The following RHOBTB1 variants were observed in gnomAD, a reference collection of about 807,000 sequenced individuals.
RHOBTB1 encodes the protein Rho related BTB domain containing 1, also known as rho-related BTB domain-containing protein 1.
In RHOBTB1, 40 loss-of-function variants were observed where a neutral mutation model predicts 71.6. The ratio of observed to expected loss-of-function variants is 0.56; its 90% CI spans 0.43 to 0.73. RHOBTB1 has a LOEUF of 0.73. Among genes scored for constraint, RHOBTB1 ranks in the 30% least tolerant of loss-of-function variants. The pLI, the probability that RHOBTB1 is intolerant of heterozygous loss-of-function variation, is 0.00. For synonymous variants in RHOBTB1, 319 were observed against 334.9 expected (o/e 0.95, Z 0.52); for missense variants, 797 against 894.0 (o/e 0.89, Z 1.38).
intron 2 of RHOBTB1, among the ~76,000 whole-genome samples, chr10:60,950,112 C>T (rs957729961): frequency 2.0e-5 from 3 of 152,144 alleles, no homozygotes; most frequent in African/African-American, 7.2e-5. Flanking sequence ...GCTCAACATG[C>T]ATAAGAGGAG....
intron 2 of RHOBTB1, among the ~76,000 whole-genome samples, chr10:60,959,501 C>G (rs1194419282): frequency 6.6e-6 from 1 of 152,186 alleles, no homozygotes; most frequent in Non-Finnish European, 1.5e-5. Flanking sequence ...CTACACATCA[C>G]AGGCAGCAGT....
chr10:60,907,891 T>C (rs959143098), intron 4 of RHOBTB1, among the ~76,000 whole-genome samples: 2 of 152,164 alleles, frequency 1.3e-5, no homozygotes, highest in Non-Finnish European at 1.5e-5. Flanking sequence ...GGCAAATTTA[T>C]GGTAGTAAAA....
intron 2 of RHOBTB1, among the ~76,000 whole-genome samples, chr10:60,966,996 G>C (rs551351043): frequency 8.6e-4 from 131 of 152,082 alleles, no homozygotes; most frequent in South Asian, 2.5e-3. Context: ...AATAAACAAG[G>C]CACATCTTTA....
chr10:60,970,538 C>G (rs115424389), intron 2 of RHOBTB1, among the ~76,000 whole-genome samples: 191 of 152,176 alleles, frequency 1.3e-3, no homozygotes, highest in African/African-American at 4.5e-3. Context: ...CAATGCTTCA[C>G]ATTTACCTGA....
Position 60,894,644 on chromosome 10 carries a change from A to G in RHOBTB1, c.297-1649T>C, listed in dbSNP as rs568395178. ...ATATTTATATCAGGTATCTGATGAA[A>G]CTCTGCTATAAGCTTCATCCTGAAC... On this transcript the variant is annotated intron_variant, in intron 4 of 10. Coordinates refer to ENST00000337910, the MANE Select transcript of RHOBTB1 (RefSeq NM_014836.5). Among the ~76,000 whole-genome samples the G allele has an allele frequency of 5.3e-5, 8 of 152,266 alleles. No homozygotes were observed. The East Asian group carries it at 1.5e-3, about 29-fold the overall frequency.
intron 2 of RHOBTB1, among the ~76,000 whole-genome samples, chr10:60,969,839 G>T (rs1311487382): frequency 6.6e-6 from 1 of 152,072 alleles, no homozygotes; most frequent in Non-Finnish European, 1.5e-5. Flanking sequence ...AGTATTTAAA[G>T]AAATAGAATA....
downstream of RHOBTB1, among the ~76,000 whole-genome samples, chr10:60,868,052 C>T (rs186860503): frequency 1.4e-3 from 210 of 152,232 alleles, 1 homozygote; most frequent in African/African-American, 4.8e-3. Context: ...TCCCTCCCTC[C>T]CTTCCTTCTT....
rs141107533 is a variant in RHOBTB1, at chr10:60,991,592, G to A, written c.-162-5647C>T. Among the ~76,000 whole-genome samples the A allele has an allele frequency of 9.7e-3, 1,478 of 152,034 alleles. 14 individuals carry two copies. Among genetic ancestry groups the A allele is most frequent in the African/African-American group, 0.034 (1,402 of 41,474 alleles). ...ATTACAAGCGCATGCCACCATGCCCGGCTAATTTTTGTATTTTTTTAGTAG... is the reference window on the plus strand; with the variant it reads ...ATTACAAGCGCATGCCACCATGCCCAGCTAATTTTTGTATTTTTTTAGTAG... On this transcript the variant is annotated intron_variant, in intron 1 of 11. Transcript: ENST00000357917.
chr10:60,978,513 G>A (rs2086387887), intron 2 of RHOBTB1, among the ~76,000 whole-genome samples: 1 of 152,140 alleles, frequency 6.6e-6, no homozygotes, highest in South Asian at 2.1e-4. Flanking sequence ...GAGAGAGTGG[G>A]TATGTTGGGT....
At chr10:60,967,050 G>T (rs1279095016) in intron 2 of RHOBTB1, among the ~76,000 whole-genome samples, 1 of 152,034 alleles carries the variant, frequency 6.6e-6, no homozygotes, top group African/African-American at 2.4e-5. Context: ...AAAGCAGGGT[G>T]GGGGTGAGGG....
At chr10:60,921,249 T>C (rs1164084041) in intron 2 of RHOBTB1, among the ~76,000 whole-genome samples, 1 of 152,174 alleles carries the variant, frequency 6.6e-6, no homozygotes, top group Non-Finnish European at 1.5e-5. Flanking sequence ...TGCCTGATCC[T>C]GATTTGCTCT....
rs182224237 is a variant in RHOBTB1 at position 60,892,814 on chromosome 10, C to T, written c.478G>A (p.Ala160Thr). The T allele has an allele frequency of 1.3e-5, 21 of 1,611,660 alleles. No individual in the cohort carries two copies. In the Admixed American group the frequency reaches 2.8e-4, roughly 22 times the overall value. ...EAVNRARRPL[A>T]RPIKRGDILP... ...ACACTGAGTCCCTTGGCTTACCTTGCTAACGGGCGCCTGGCTCGATTAACA... is the reference window on the plus strand; with the variant it reads ...ACACTGAGTCCCTTGGCTTACCTTGTTAACGGGCGCCTGGCTCGATTAACA... Residue 160 changes from alanine (A) to threonine (T), a missense_variant, in exon 5 of 11, where the codon GCA (alanine) becomes ACA (threonine). By Grantham distance (58) the Ala-to-Thr change is moderately conservative. Coordinates refer to ENST00000337910, the MANE Select transcript of RHOBTB1 (RefSeq NM_014836.5).
chr10:60,878,123 T>TAGA, intron 7 of RHOBTB1, 65 bp from the exon 8 acceptor site: 1 of 1,295,534 alleles, frequency 7.7e-7, no homozygotes, highest in Non-Finnish European at 1.1e-6. Context: ...ATTTTCAGGC[T>TAGA]ATGCTGCTTA....
At chr10:60,886,323 C>T (rs2081573689) in intron 6 of RHOBTB1, 93 bp from the exon 7 acceptor site, 1 of 816,176 alleles carries the variant, frequency 1.2e-6, no homozygotes, top group Non-Finnish European at 2.1e-6. Context: ...ACTGCGACTC[C>T]CTTACTCTCT....
At chr10:61,000,438 G>T (rs1486435012) in intron 1 of RHOBTB1, among the ~76,000 whole-genome samples, 1 of 152,212 alleles carries the variant, frequency 6.6e-6, no homozygotes, top group Non-Finnish European at 1.5e-5. Flanking sequence ...GATGCGACAG[G>T]ATTCTCAGCA....
chr10:60,911,116 G>A (rs947499712), intron 3 of RHOBTB1, 126 bp from the exon 4 acceptor site: 14 of 805,248 alleles, frequency 1.7e-5, no homozygotes, highest in African/African-American at 1.4e-4. Context: ...TCTATCTGAC[G>A]GGATTTAAGC....
chr10:60,874,442 A>G (rs1056413331), intron 9 of RHOBTB1, among the ~76,000 whole-genome samples: 1 of 152,224 alleles, frequency 6.6e-6, no homozygotes, highest in Non-Finnish European at 1.5e-5. Flanking sequence ...AAGTTACTCC[A>G]TGGTGAAGCT....
At chr10:60,890,363 T>C (rs112796685) in intron 5 of RHOBTB1, among the ~76,000 whole-genome samples, 1,526 of 152,180 alleles carry the variant, frequency 0.01, 13 homozygotes, top group Non-Finnish European at 0.015. Flanking sequence ...AACACAACTA[T>C]GACCTGGCGG....
At chr10:60,981,374 C>T (rs550837300) in intron 2 of RHOBTB1, among the ~76,000 whole-genome samples, 1 of 152,266 alleles carries the variant, frequency 6.6e-6, no homozygotes, top group South Asian at 2.1e-4. Flanking sequence ...CTCTCAAGAG[C>T]CCTACAAGGT....
Sources: gnomAD v4.1 joint callset for allele counts (sites outside exome capture counted in the v4.1 genomes callset) on GRCh38, gnomAD v4.1.1 for gene constraint, MANE v1.5 for transcripts, NCBI Gene and HGNC (gene_info 2026-07-23, HGNC 2026-07-21) for gene names.